The following FAM185A variants were observed in gnomAD, a reference collection of about 807,000 sequenced individuals.
The protein encoded by FAM185A is protein FAM185A.
In FAM185A, 21 loss-of-function variants were observed where a neutral mutation model predicts 45.7. The observed-to-expected ratio is 0.46, with a 90% CI of 0.33 to 0.66. FAM185A has a LOEUF of 0.66. FAM185A is among the 30% of genes least tolerant of loss of function. The probability of loss-of-function intolerance (pLI) is 0.03; values close to 1 mark genes in which losing one functional copy is unlikely to be tolerated. For missense variants in FAM185A, 305 were observed against 485.4 expected, an observed-to-expected ratio of 0.63 and a Z score of 3.49; for synonymous variants, 117 against 194.0, an observed-to-expected ratio of 0.60 and a Z score of 3.30.
At chr7:102,843,512 C>T in the FAM185A span, among the ~76,000 whole-genome samples, 2 of 152,070 alleles carry the variant, frequency 1.3e-5, no homozygotes, top group African/African-American at 2.4e-5. Flanking sequence ...CGGTGGCTCA[C>T]GTCTGTAATC....
the FAM185A span, among the ~76,000 whole-genome samples, chr7:102,845,227 AACCAAGAACTC>A: frequency 2.0e-5 from 3 of 152,174 alleles, no homozygotes; most frequent in Admixed American, 6.5e-5. Flanking sequence ...ACCAGCCCCC[AACCAAGAACTC>A]ACCAAGAGTC....
chr7:102,812,605 C>CTTT, downstream of FAM185A, among the ~76,000 whole-genome samples: 1 of 152,116 alleles, frequency 6.6e-6, no homozygotes, highest in East Asian at 1.9e-4. Flanking sequence ...TTTATAAAGC[C>CTTT]TTAAAAAGCG....
intron 3 of FAM185A, 64 bp from the exon 4 acceptor site, chr7:102,761,209 G>A (rs1584284710): frequency 2.1e-6 from 3 of 1,455,866 alleles, no homozygotes; most frequent in Non-Finnish European, 2.7e-6. Flanking sequence ...GATTCCACAG[G>A]TAGCATTTTG....
rs1466098107 is a variant in FAM185A at position 102,799,159 on chromosome 7, AAC to A, written c.1067-9129_1067-9128del. ...AAATGCAGCATAGGCACAGAAAAAG[AAC>A]AGTTTAAATAAGCGGAACCCCTTAT... On this transcript the variant is annotated intron_variant, in intron 7 of 7. Coordinates refer to ENST00000413034, the MANE Select transcript of FAM185A (RefSeq NM_001145268.2). Among the ~76,000 whole-genome samples the A allele has an allele frequency of 7.9e-5, 12 of 152,338 alleles. No individual in the cohort carries two copies. The East Asian group carries it at 2.3e-3, about 29-fold the overall frequency.
intron 6 of FAM185A, among the ~76,000 whole-genome samples, chr7:102,780,357 C>T (rs1291524492): frequency 6.6e-6 from 1 of 151,926 alleles, no homozygotes; most frequent in Admixed American, 6.5e-5. Context: ...CCACATAATT[C>T]TAAAAATGAT....
chr7:102,832,944 G>A, the FAM185A span: 1 of 1,614,188 alleles, frequency 6.2e-7, no homozygotes, highest in South Asian at 1.1e-5. Context: ...ACATCCAAAT[G>A]TTCCAAGATC....
At chr7:102,779,448 G>A (rs546213089) in intron 6 of FAM185A, among the ~76,000 whole-genome samples, 1 of 152,284 alleles carries the variant, frequency 6.6e-6, no homozygotes, top group Non-Finnish European at 1.5e-5. Context: ...TAAGGACAGA[G>A]ACAAGTGTTC....
the FAM185A span, among the ~76,000 whole-genome samples, chr7:102,850,593 C>T: frequency 6.6e-6 from 1 of 152,130 alleles, no homozygotes; most frequent in Non-Finnish European, 1.5e-5. Flanking sequence ...ATGTTTAACC[C>T]TTAAGTTAAT....
downstream of FAM185A, among the ~76,000 whole-genome samples, chr7:102,812,262 G>T (rs1797476146): frequency 6.6e-6 from 1 of 152,120 alleles, no homozygotes; most frequent in Non-Finnish European, 1.5e-5. Context: ...AAAACCTACG[G>T]ATTAAAGCTT....
intron 4 of FAM185A, among the ~76,000 whole-genome samples, chr7:102,764,814 T>C (rs1306879869): frequency 4.6e-5 from 7 of 151,724 alleles, no homozygotes; most frequent in Non-Finnish European, 1.0e-4. Context: ...CTAATTTTTT[T>C]CCAGAGAGAG....
Position 102,751,753 on chromosome 7 carries a change from T to C in FAM185A, c.513T>C (p.Asn171=), listed in dbSNP as rs1316025533. The change falls in exon 2 of 8, where the codon AAT becomes AAC. Residue 171 remains asparagine, a synonymous_variant. Transcript: ENST00000413034. The stretch of plus-strand genomic sequence containing the variant: ...AAGTTCAAAGTATTGAGGGTGATAA[T>C]TGCAAAATTGAAACAGAGCATGGGA... ...CVKVQSIEGD[N]CKIETEHGTS... The C allele has an allele frequency of 2.6e-6, 4 of 1,551,614 alleles. No individual in the cohort carries two copies. The highest frequency in any genetic ancestry group is 3.5e-6 in the Non-Finnish European group (4 of 1,146,772).
Position 102,768,535 on chromosome 7 carries a change from T to C in FAM185A, c.794-3874T>C, listed in dbSNP as rs539092468. On this transcript the variant is annotated intron_variant, in intron 4 of 7. Transcript: ENST00000413034. ...GGCTTGCAAATACAAGTGTCTCCCTTTCCACCTCCCCACCCCTACCCACCA... is the reference window on the plus strand; with the variant it reads ...GGCTTGCAAATACAAGTGTCTCCCTCTCCACCTCCCCACCCCTACCCACCA... Among the ~76,000 whole-genome samples the C allele has an allele frequency of 6.5e-3, 887 of 135,616 alleles. 1 individual carries two copies. The highest frequency in any genetic ancestry group is 0.023 in the African/African-American group (834 of 36,616). 89.0% of individuals were successfully genotyped at this position (135,616 alleles called of 152,430 possible).
At chr7:102,834,473 A>ATATATG in the FAM185A span, 1 of 141,542 alleles carries the variant, frequency 7.1e-6, no homozygotes, top group African/African-American at 2.6e-5. Context: ...ATATATATAT[A>ATATATG]TGTGATGTGG....
the FAM185A span, chr7:102,827,034 G>C: frequency 2.5e-6 from 1 of 400,974 alleles, no homozygotes; most frequent in Non-Finnish European, 5.4e-6. Context: ...GCAAGAAGTA[G>C]AGTCTGTTTC....
At chr7:102,841,470 A>C in the FAM185A span, among the ~76,000 whole-genome samples, 1 of 152,186 alleles carries the variant, frequency 6.6e-6, no homozygotes, top group Non-Finnish European at 1.5e-5. Context: ...GTTCTTCCCC[A>C]ATGGGAGTGG....
intron 6 of FAM185A, among the ~76,000 whole-genome samples, chr7:102,783,616 C>CAACATACCAGAATCTCTGGTATGTCA (rs1476881974): frequency 6.7e-6 from 1 of 148,920 alleles, no homozygotes; most frequent in African/African-American, 2.6e-5. Context: ...AACAAAGACA[C>CAACATACCAGAATCTCTGGTATGTCA]AACATACCAG....
the FAM185A span, among the ~76,000 whole-genome samples, chr7:102,830,805 T>A: frequency 1.9e-4 from 29 of 152,366 alleles, no homozygotes; most frequent in African/African-American, 6.7e-4. Flanking sequence ...AATAACCTTG[T>A]AATTTCTGAG....
chr7:102,813,201 T>C (rs1232842236), downstream of FAM185A: 6 of 760,076 alleles, frequency 7.9e-6, no homozygotes, highest in Middle Eastern at 3.9e-4. Context: ...TTGGAAATAT[T>C]TGTAGTTGGA....
chr7:102,767,148 T>TG (rs397955317), intron 4 of FAM185A, among the ~76,000 whole-genome samples: 1 of 151,018 alleles, frequency 6.6e-6, no homozygotes. Context: ...TTTTTTTTTT[T>TG]GTGGTGCAAA....
Sources: allele counts gnomAD v4.1 joint callset (sites outside exome capture counted in the v4.1 genomes callset), GRCh38; gene constraint gnomAD v4.1.1; transcripts MANE v1.5; gene names NCBI Gene and HGNC (gene_info 2026-07-23, HGNC 2026-07-21).